The following KIAA1217 variants were observed in gnomAD, a reference collection of about 807,000 sequenced individuals.
The protein encoded by KIAA1217 is KIAA1217, also known as sickle tail protein homolog.
A neutral mutation model predicts 163.9 loss-of-function variants in KIAA1217; 88 were observed. That is an observed-to-expected ratio of 0.54 (90% confidence interval 0.45 to 0.64). The LOEUF is 0.64. Among genes scored for constraint, KIAA1217 ranks in the 30% least tolerant of loss-of-function variants. KIAA1217 has a pLI of 0.00. For missense variants in KIAA1217, 2,372 were observed against 2,475.0 expected (o/e 0.96, Z 0.88); for synonymous variants, 903 against 923.1 (o/e 0.98, Z 0.39).
chr10:23,946,742 A>C (rs1349842078), intron 1 of KIAA1217, among the ~76,000 whole-genome samples: 1 of 152,186 alleles, frequency 6.6e-6, no homozygotes, highest in Non-Finnish European at 1.5e-5. Context: ...GATAGGTAAA[A>C]CATTTTGTTA....
intron 2 of KIAA1217, among the ~76,000 whole-genome samples, chr10:24,336,554 T>C (rs887452191): frequency 6.6e-6 from 1 of 152,216 alleles, no homozygotes; most frequent in Non-Finnish European, 1.5e-5. Flanking sequence ...GATGTGAACC[T>C]GAGCACTATG....
At chr10:24,536,659 C>T in intron 16 of KIAA1217, 115 bp from the exon 17 acceptor site, 1 of 1,089,064 alleles carries the variant, frequency 9.2e-7, no homozygotes, top group Non-Finnish European at 1.3e-6. Flanking sequence ...CTGGCCTAAA[C>T]CTGCGTGCAG....
At chr10:23,962,177 G>T (rs1564568567) in intron 1 of KIAA1217, among the ~76,000 whole-genome samples, 1 of 152,214 alleles carries the variant, frequency 6.6e-6, no homozygotes, top group Non-Finnish European at 1.5e-5. Flanking sequence ...CTCATGTAGA[G>T]TAGTGAAGAA....
intron 2 of KIAA1217, among the ~76,000 whole-genome samples, chr10:24,184,520 A>C (rs1051466709): frequency 4.6e-5 from 7 of 152,196 alleles, no homozygotes; most frequent in African/African-American, 1.7e-4. Context: ...CCTTCAGACT[A>C]TCACCCACAC....
intron 2 of KIAA1217, among the ~76,000 whole-genome samples, chr10:24,114,663 ATCTT>A (rs1174195661): frequency 6.6e-6 from 1 of 152,250 alleles, no homozygotes; most frequent in Non-Finnish European, 1.5e-5. Context: ...ACTCAGTCCC[ATCTT>A]TCTTCCCTTC....
At chr10:24,302,684 G>GA (rs956120972) in intron 2 of KIAA1217, among the ~76,000 whole-genome samples, 12 of 150,800 alleles carry the variant, frequency 8.0e-5, no homozygotes, top group African/African-American at 9.7e-5. Flanking sequence ...TAAGTGCTAT[G>GA]AAAAAAAAAT....
At chr10:24,065,202 T>C (rs1441764863) in intron 2 of KIAA1217, among the ~76,000 whole-genome samples, 1 of 152,202 alleles carries the variant, frequency 6.6e-6, no homozygotes, top group Non-Finnish European at 1.5e-5. Flanking sequence ...ATGTGTTTGC[T>C]CTTGCTTCTC....
intron 2 of KIAA1217, among the ~76,000 whole-genome samples, chr10:24,147,832 C>CAAA (rs1176106711): frequency 0.015 from 312 of 20,730 alleles, 23 homozygotes; most frequent in East Asian, 0.026. Flanking sequence ...TACTCTGTCT[C>CAAA]AAAAAAAAAA....
intron 2 of KIAA1217, among the ~76,000 whole-genome samples, chr10:24,116,726 ATCT>A (rs2063069591): frequency 1.3e-5 from 2 of 152,068 alleles, no homozygotes; most frequent in Admixed American, 6.6e-5. Context: ...CAATTTACAC[ATCT>A]TCTTCCTAAT....
intron 2 of KIAA1217, among the ~76,000 whole-genome samples, chr10:24,227,780 C>T (rs2070797832): frequency 6.6e-6 from 1 of 152,144 alleles, no homozygotes; most frequent in Non-Finnish European, 1.5e-5. Context: ...GATCCACCCA[C>T]CTCGGCCTCC....
intron 2 of KIAA1217, among the ~76,000 whole-genome samples, chr10:24,350,830 A>C (rs1327199300): frequency 5.5e-5 from 2 of 36,504 alleles, no homozygotes; most frequent in African/African-American, 3.5e-4. Flanking sequence ...TGAGTGAGAG[A>C]AAAAAAAAAA....
intron 1 of KIAA1217, among the ~76,000 whole-genome samples, chr10:23,968,093 T>C (rs1427704710): frequency 6.6e-6 from 1 of 151,994 alleles, no homozygotes; most frequent in Non-Finnish European, 1.5e-5. Flanking sequence ...TAACCTATCC[T>C]ATGTATATAC....
chr10:23,783,503 A>C (rs1056183708), intron 1 of KIAA1217, among the ~76,000 whole-genome samples: 3 of 152,124 alleles, frequency 2.0e-5, no homozygotes, highest in Non-Finnish European at 4.4e-5. Context: ...TATTTATAAG[A>C]GATATTGACT....
rs184055556 is a variant in KIAA1217, at chr10:23,967,976, T to C, written c.-320-39249T>C. ...TTTTTTAAAATTTTACTTTAAGTTT[T>C]GGGATACATGTGTGGAATGTGCAGG... On this transcript the variant is annotated intron_variant, in intron 1 of 18. Coordinates refer to the KIAA1217 transcript ENST00000376462. 4.9e-4 allele frequency among the ~76,000 whole-genome samples: 74 copies of C among 150,992 alleles called. 2 individuals are homozygous for C. In the South Asian group the frequency reaches 0.014, roughly 29 times the overall value.
At chr10:23,786,112 A>G (rs896545403) in intron 1 of KIAA1217, among the ~76,000 whole-genome samples, 2 of 152,190 alleles carry the variant, frequency 1.3e-5, no homozygotes, top group African/African-American at 4.8e-5. Flanking sequence ...GGTCTTCTGT[A>G]AAAGTCCATG....
Position 24,351,117 on chromosome 10 carries a change from T to G in KIAA1217, c.355-29752T>G, listed in dbSNP as rs545302943. The stretch of plus-strand genomic sequence containing the variant: ...CATGCGACCATACGCAGAGCTAATT[T>G]TTGTATTTTTAGTAGAGTTGGGGTT... On this transcript the variant is annotated intron_variant, in intron 2 of 20. Transcript: ENST00000376454. 7.9e-5 allele frequency among the ~76,000 whole-genome samples: 12 copies of G among 152,200 alleles called. No individual in the cohort carries two copies. The South Asian group carries it at 2.5e-3, about 32-fold the overall frequency.
At position 24,089,121 on chromosome 10, in the gene KIAA1217, C is replaced by T. The variant is rs568348863; in HGVS notation, c.-171+81747C>T. 4.0e-4 allele frequency among the ~76,000 whole-genome samples: 50 copies of T among 125,026 alleles called. 15 individuals are homozygous for T. In the Middle Eastern group the frequency reaches 0.043, roughly 108 times the overall value. 82.0% of individuals were successfully genotyped at this position (125,026 alleles called of 152,430 possible). On this transcript the variant is annotated intron_variant, in intron 2 of 18. Coordinates refer to the KIAA1217 transcript ENST00000376462. ...TTGAGAAGTGTCTGTTCATATCCTT[C>T]GCCCAGTTGCTGATGGGGTTGTTTG...
chr10:24,433,994 A>G (rs2131836735), intron 4 of KIAA1217, among the ~76,000 whole-genome samples: 1 of 149,116 alleles, frequency 6.7e-6, no homozygotes, highest in Non-Finnish European at 1.5e-5. Flanking sequence ...TAGAAACAAA[A>G]GCATCTCTCT....
In KIAA1217 at chr10:23,824,658, AAT is replaced by A. The variant is rs1199680251; in HGVS notation, c.-321+129447_-321+129448del. Among the ~76,000 whole-genome samples the A allele has an allele frequency of 1.1e-3, 57 of 53,046 alleles. 1 individual carries two copies. Among genetic ancestry groups the A allele is most frequent in the East Asian group, 3.7e-3 (7 of 1,900 alleles). The allele number at this position is 53,046 out of a possible 152,430, so 34.8% of individuals were successfully genotyped here. On this transcript the variant is annotated intron_variant, in intron 1 of 18. Transcript: ENST00000376462. ...AAAAAAAAAAAAAAAAAATAAAAAA[AAT>A]ATATATATATATATATATATATGTA...
Sources: allele counts gnomAD v4.1 joint callset (sites outside exome capture counted in the v4.1 genomes callset), GRCh38; gene constraint gnomAD v4.1.1; transcripts MANE v1.5; gene names NCBI Gene and HGNC (gene_info 2026-07-23, HGNC 2026-07-21).